The following CELF4 variants were observed in gnomAD, a reference collection of about 807,000 sequenced individuals.
CELF4 encodes the protein CUG-BP- and ETR-3-like factor 4.
CELF4 carries 18 observed loss-of-function variants against 59.9 expected under a neutral mutation model. That is an observed-to-expected ratio of 0.30 (90% CI 0.21 to 0.45). The LOEUF is 0.45. CELF4 is among the 20% of genes least tolerant of loss of function. The pLI is 1.00. For synonymous variants in CELF4, 261 were observed against 267.1 expected (o/e 0.98, Z 0.22); for missense variants, 456 against 689.0 (o/e 0.66, Z 3.79).
chr18:37,350,564 C>G (rs1180775795), intron 2 of CELF4, among the ~76,000 whole-genome samples: 1 of 152,172 alleles, frequency 6.6e-6, no homozygotes, highest in Non-Finnish European at 1.5e-5. Context: ...TTCAAACAGA[C>G]CCCTAACCTC....
chr18:37,549,264 C>T (rs978478309), intron 1 of CELF4, among the ~76,000 whole-genome samples: 2 of 152,220 alleles, frequency 1.3e-5, no homozygotes, highest in African/African-American at 4.8e-5. Context: ...CCCTGGAGAA[C>T]AGAGGAGAAG....
intron 2 of CELF4, among the ~76,000 whole-genome samples, chr18:37,386,125 C>T (rs150113857): frequency 6.6e-6 from 1 of 152,334 alleles, no homozygotes; most frequent in East Asian, 1.9e-4. Context: ...CACTCTTCTG[C>T]CACCTTAATT....
intron 1 of CELF4, among the ~76,000 whole-genome samples, chr18:37,524,761 C>A (rs981560236): frequency 2.6e-5 from 4 of 152,196 alleles, no homozygotes; most frequent in East Asian, 3.9e-4. Flanking sequence ...AGCCGAACAT[C>A]CCCCGAGCCG....
At chr18:37,350,424 TG>T (rs990895887) in intron 2 of CELF4, among the ~76,000 whole-genome samples, 10 of 152,210 alleles carry the variant, frequency 6.6e-5, no homozygotes, top group Non-Finnish European at 1.3e-4. Flanking sequence ...ACAAATCTGC[TG>T]GCCTGTGAAT....
chr18:37,250,660 T>G (rs1186379180), intron 12 of CELF4, among the ~76,000 whole-genome samples: 1 of 152,152 alleles, frequency 6.6e-6, no homozygotes, highest in Non-Finnish European at 1.5e-5. Flanking sequence ...TTTTAGCTGA[T>G]TTTTTGTGCC....
chr18:37,425,080 A>G (rs1028541225), intron 2 of CELF4, among the ~76,000 whole-genome samples: 5 of 152,128 alleles, frequency 3.3e-5, no homozygotes, highest in African/African-American at 4.8e-5. Context: ...CCCAATTGTC[A>G]TTTGTGAATG....
chr18:37,254,096 CCGCG>C lies in CELF4; in HGVS notation c.1334-162_1334-159del, dbSNP rs1351889971. On this transcript the variant is annotated intron_variant, in intron 11 of 12. Coordinates refer to ENST00000420428, the MANE Select transcript of CELF4 (RefSeq NM_020180.4). The surrounding 1 kb of genome is among the most constrained non-coding windows in gnomAD (Gnocchi z 5.1). ...GCCCCGGTGCCCGCCCCTCTCCAGCCCGCGCGCGCGTGCTAGGCCCCTCCGGGGG... is the reference window on the plus strand; with the variant it reads ...GCCCCGGTGCCCGCCCCTCTCCAGCCCGCGCGTGCTAGGCCCCTCCGGGGG... 5.2e-6 allele frequency: 2 copies of C among 382,824 alleles called. No homozygotes were observed. Among genetic ancestry groups the C allele is most frequent in the African/African-American group, 2.2e-5 (1 of 46,142 alleles). 23.7% of individuals were successfully genotyped at this position (382,824 alleles called of 1,614,324 possible).
At chr18:37,387,317 C>T (rs1197896711) in intron 2 of CELF4, among the ~76,000 whole-genome samples, 2 of 152,210 alleles carry the variant, frequency 1.3e-5, no homozygotes, top group African/African-American at 2.4e-5. Context: ...CTCCCCAAAC[C>T]AGCAGAGCAG....
chr18:37,260,963 C>T (rs2073958594), intron 10 of CELF4, among the ~76,000 whole-genome samples: 1 of 152,112 alleles, frequency 6.6e-6, no homozygotes, highest in African/African-American at 2.4e-5. Flanking sequence ...TGGATACCCC[C>T]GAGCTCTGGT....
intron 1 of CELF4, among the ~76,000 whole-genome samples, chr18:37,514,628 G>C (rs1256546800): frequency 6.6e-6 from 1 of 152,164 alleles, no homozygotes; most frequent in African/African-American, 2.4e-5. Flanking sequence ...GGCCTGGGCG[G>C]TAAACAAACA....
intron 2 of CELF4, among the ~76,000 whole-genome samples, chr18:37,387,039 T>A (rs969480084): frequency 6.6e-6 from 1 of 152,260 alleles, no homozygotes; most frequent in African/African-American, 2.4e-5. Flanking sequence ...CTGAGCCTGC[T>A]GCGCTGTGGA....
At chr18:37,533,298 C>T (rs1370219038) in intron 1 of CELF4, among the ~76,000 whole-genome samples, 1 of 152,204 alleles carries the variant, frequency 6.6e-6, no homozygotes, top group African/African-American at 2.4e-5. Flanking sequence ...ACTGGATTTG[C>T]TGAGCCACAC....
chr18:37,531,667 T>C (rs1438955975), intron 1 of CELF4, among the ~76,000 whole-genome samples: 1 of 152,106 alleles, frequency 6.6e-6, no homozygotes, highest in Non-Finnish European at 1.5e-5. Flanking sequence ...AATAGTGTCT[T>C]TGGAGGTGAG....
At chr18:37,419,953 C>T (rs191614906) in intron 2 of CELF4, among the ~76,000 whole-genome samples, 72 of 152,346 alleles carry the variant, frequency 4.7e-4, no homozygotes, top group African/African-American at 1.6e-3. Context: ...ACTCACAAAA[C>T]GGCCACTCCG....
At chr18:37,551,080 T>C (rs1462951112) in intron 1 of CELF4, among the ~76,000 whole-genome samples, 1 of 151,650 alleles carries the variant, frequency 6.6e-6, no homozygotes, top group Non-Finnish European at 1.5e-5. Context: ...GGGTGGGGAG[T>C]GTAGAGGCTG....
intron 2 of CELF4, among the ~76,000 whole-genome samples, chr18:37,479,372 C>T (rs555110491): frequency 7.2e-5 from 11 of 152,348 alleles, no homozygotes; most frequent in African/African-American, 2.6e-4. Context: ...GTTTCTCTAC[C>T]TTGGCATTGT....
rs145050443 is a variant in CELF4, at chr18:37,376,656, C to G, written c.370-54775G>C. ...TGGGGCTCTGGGTGAACGCAGGAAT[C>G]TTGGGGTCTGGCCTCACCTTGGTGG... On this transcript the variant is annotated intron_variant, in intron 2 of 12. Transcript: ENST00000420428. Among the ~76,000 whole-genome samples, 1,146 of 152,310 alleles carry G rather than the reference C, an allele frequency of 7.5e-3. 2 individuals carry two copies. Among genetic ancestry groups the G allele is most frequent in the Non-Finnish European group, 0.012 (839 of 68,020 alleles).
At chr18:37,285,162 C>G (rs1194996820) in intron 3 of CELF4, among the ~76,000 whole-genome samples, 1 of 152,192 alleles carries the variant, frequency 6.6e-6, no homozygotes, top group African/African-American at 2.4e-5. Context: ...ATTCCCATTG[C>G]CTGGGGTCCC....
chr18:37,308,171 C>T (rs1219630370), intron 3 of CELF4, among the ~76,000 whole-genome samples: 2 of 152,036 alleles, frequency 1.3e-5, no homozygotes, highest in Admixed American at 6.5e-5. Context: ...TCCAGTGATC[C>T]CTGCAGGTGA....
Sources: allele counts gnomAD v4.1 joint callset (sites outside exome capture counted in the v4.1 genomes callset), GRCh38; gene constraint gnomAD v4.1.1; non-coding constraint Gnocchi (gnomAD v3.1); transcripts MANE v1.5; gene names NCBI Gene and HGNC (gene_info 2026-07-23, HGNC 2026-07-21).